Variants in DMD observed in about 807,000 individuals in gnomAD.
The protein encoded by DMD is mutant dystrophin.
In DMD, 63 loss-of-function variants were observed where a neutral mutation model predicts 330.1. That is an observed-to-expected ratio of 0.19 (90% CI 0.16 to 0.24). The LOEUF (loss-of-function observed/expected upper bound fraction) is 0.24. Among genes scored for constraint, DMD ranks in the 10% least tolerant of loss-of-function variants. The pLI is 1.00. For synonymous variants in DMD, 1,223 were observed against 959.8 expected (o/e 1.27, Z -5.07); for missense variants, 3,344 against 2,684.1 (o/e 1.25, Z -5.43).
chrX:32,650,271 G>A (rs1296125387), intron 9 of DMD, among the ~76,000 whole-genome samples: 5 of 111,639 alleles, frequency 4.5e-5, no homozygotes, highest in African/African-American at 1.6e-4. Flanking sequence ...TGTTAACCTG[G>A]ATCAAAAACA....
chrX:32,722,105 T>C (rs1369828860), intron 7 of DMD, among the ~76,000 whole-genome samples: 1 of 110,494 alleles, frequency 9.1e-6, no homozygotes, highest in Non-Finnish European at 1.9e-5. Context: ...TTCCAACTTT[T>C]TTTTCCTCAA....
chrX:32,580,351 G>A (rs1276921272), intron 13 of DMD, among the ~76,000 whole-genome samples: 5 of 111,619 alleles, frequency 4.5e-5, no homozygotes, highest in Non-Finnish European at 7.5e-5. Flanking sequence ...CATCTTTTTT[G>A]GATCTTTCAA....
chrX:33,063,355 G>T (rs1162476461), intron 1 of DMD, among the ~76,000 whole-genome samples: 1 of 111,602 alleles, frequency 9.0e-6, no homozygotes, highest in Non-Finnish European at 1.9e-5. Flanking sequence ...ATGTATTTGA[G>T]GATGATATTC....
intron 45 of DMD, among the ~76,000 whole-genome samples, chrX:31,939,890 T>TG (rs1406715546): frequency 9.0e-6 from 1 of 111,712 alleles, no homozygotes; most frequent in Non-Finnish European, 1.9e-5. Context: ...CAAATTTTGC[T>TG]GGGGAAAAAA....
intron 9 of DMD, among the ~76,000 whole-genome samples, chrX:32,650,811 C>A (rs956316531): frequency 8.9e-6 from 1 of 112,139 alleles, no homozygotes; most frequent in African/African-American, 3.2e-5. Context: ...ACAAATACAA[C>A]TACTACCGCA....
At chrX:32,092,303 A>T (rs1389745245) in intron 44 of DMD, among the ~76,000 whole-genome samples, 1 of 111,724 alleles carries the variant, frequency 9.0e-6, no homozygotes, top group East Asian at 2.8e-4. Context: ...TGAAACTCCT[A>T]TTACATTTGT....
chrX:32,556,842 G>A (rs2050357929), intron 16 of DMD, among the ~76,000 whole-genome samples: 1 of 111,384 alleles, frequency 9.0e-6, no homozygotes, highest in African/African-American at 3.3e-5. Context: ...CTTGCCTTTT[G>A]AGATATTCTA....
At chrX:32,836,080 A>C (rs1240101584) in intron 4 of DMD, among the ~76,000 whole-genome samples, 1 of 110,107 alleles carries the variant, frequency 9.1e-6, no homozygotes, top group African/African-American at 3.3e-5. Flanking sequence ...CCCCCAGACT[A>C]GAGTGCAGTG....
intron 44 of DMD, among the ~76,000 whole-genome samples, chrX:32,053,151 G>T (rs1215988409): frequency 1.8e-5 from 2 of 111,346 alleles, no homozygotes; most frequent in African/African-American, 6.5e-5. Context: ...TAATAGTTAG[G>T]TCACGCATTC....
At chrX:31,733,550 G>C (rs2086658419) in intron 51 of DMD, among the ~76,000 whole-genome samples, 1 of 111,699 alleles carries the variant, frequency 9.0e-6, no homozygotes, top group South Asian at 3.7e-4. Flanking sequence ...ATGTAGAACT[G>C]ATGCTATTTT....
At chrX:32,495,876 T>C (rs928288222) in intron 19 of DMD, among the ~76,000 whole-genome samples, 1 of 111,854 alleles carries the variant, frequency 8.9e-6, no homozygotes, top group Non-Finnish European at 1.9e-5. Flanking sequence ...AGAATACAAA[T>C]ACTAACACAC....
At position 33,198,808 on chromosome X, in the gene DMD, G is replaced by A. The variant is rs1001634647; in HGVS notation, c.31+12474C>T. ...GCTATGTGTTATGAACAGATGTTAC[G>A]TGGTAGAGGAATTTGATGTACTTAG... On this transcript the variant is annotated intron_variant, in intron 1 of 78. Transcript: ENST00000357033. 2.7e-5 allele frequency among the ~76,000 whole-genome samples: 3 copies of A among 110,837 alleles called. No individual in the cohort carries two copies. The Admixed American group carries it at 2.9e-4, about 11-fold the overall frequency.
chrX:31,516,697 G>C (rs1195452636), intron 55 of DMD, among the ~76,000 whole-genome samples: 4 of 111,659 alleles, frequency 3.6e-5, no homozygotes, highest in Non-Finnish European at 7.5e-5. Context: ...AGTCCTCAGA[G>C]ACTATTATCC....
rs150361158 is a variant in DMD at position 32,615,186 on chromosome X, C to A, written c.1332-733G>T. 1.3e-3 allele frequency among the ~76,000 whole-genome samples: 141 copies of A among 111,382 alleles called. 1 individual carries two copies. Among genetic ancestry groups the A allele is most frequent in the East Asian group, 0.012 (43 of 3,526 alleles). On this transcript the variant is annotated intron_variant, in intron 11 of 78. Transcript: ENST00000357033. The stretch of plus-strand genomic sequence containing the variant: ...TATTCTCGGTCTTCAGATCATGACG[C>A]AATTATAAATTGTTTTAACCCATTA...
chrX:32,726,041 A>C (rs1429149694), intron 7 of DMD, among the ~76,000 whole-genome samples: 1 of 111,064 alleles, frequency 9.0e-6, no homozygotes, highest in Non-Finnish European at 1.9e-5. Context: ...TATATCTCTT[A>C]ATCTAAATAA....
intron 45 of DMD, 120 bp from the exon 46 acceptor site, chrX:31,932,347 C>T: frequency 1.9e-6 from 1 of 524,493 alleles, no homozygotes; most frequent in Non-Finnish European, 3.1e-6. Flanking sequence ...AAGATGTTAA[C>T]CATACATAAT....
chrX:32,394,053 A>C (rs1483329745), intron 30 of DMD, among the ~76,000 whole-genome samples: 1 of 111,968 alleles, frequency 8.9e-6, no homozygotes, highest in Non-Finnish European at 1.9e-5. Flanking sequence ...ACATAATAAA[A>C]TTCAGGTCAA....
rs757117473 is a variant in DMD, at chrX:31,822,863, C to T, written c.7201-2780G>A. 6.4e-5 allele frequency among the ~76,000 whole-genome samples: 7 copies of T among 109,134 alleles called. No individual in the cohort carries two copies. In the East Asian group the frequency reaches 2.0e-3, roughly 31 times the overall value. The allele number at this position is 109,134 out of a possible 115,157, so 94.8% of individuals were successfully genotyped here. A position where few individuals can be genotyped will look rare whatever the true frequency, so the allele number is the denominator to read the frequency against. ...TTCATAGTACCCCCTGATTTTTCTC[C>T]TTTTTCCTTTTTACCTTTGTTAGAT... On this transcript the variant is annotated intron_variant, in intron 49 of 78. Transcript: ENST00000357033.
At chrX:32,057,317 GA>G (rs1318416719) in intron 44 of DMD, among the ~76,000 whole-genome samples, 1 of 111,247 alleles carries the variant, frequency 9.0e-6, no homozygotes, top group Non-Finnish European at 1.9e-5. Flanking sequence ...TGGAAAGGAA[GA>G]TGTAAAATTA....
Sources: gnomAD v4.1 joint callset for allele counts (sites outside exome capture counted in the v4.1 genomes callset) on GRCh38, gnomAD v4.1.1 for gene constraint, MANE v1.5 for transcripts, NCBI Gene and HGNC (gene_info 2026-07-23, HGNC 2026-07-21) for gene names.